TMIGD3: variants seen among roughly 807,000 people sequenced by gnomAD.
TMIGD3 encodes transmembrane and immunoglobulin domain containing 3, also known as AD026 protein (AD026).
In TMIGD3, 21 loss-of-function variants were observed where a neutral mutation model predicts 28.1. The ratio of observed to expected loss-of-function variants is 0.75; its 90% CI spans 0.53 to 1.08. TMIGD3 has a LOEUF of 1.08. Among genes scored for constraint, TMIGD3 ranks in the 50% least tolerant of loss-of-function variants. The probability of loss-of-function intolerance (pLI) is 0.00; values close to 1 mark genes in which losing one functional copy is unlikely to be tolerated. For missense variants in TMIGD3, 416 were observed against 435.6 expected (o/e 0.96, Z 0.40); for synonymous variants, 151 against 162.1 (o/e 0.93, Z 0.52).
At chr1:111,549,788 A>G (rs1480827022) in intron 1 of TMIGD3, among the ~76,000 whole-genome samples, 1 of 152,090 alleles carries the variant, frequency 6.6e-6, no homozygotes, top group African/African-American at 2.4e-5. Flanking sequence ...ATCTAGAGCT[A>G]CAGGTGCACA....
intron 4 of TMIGD3, 96 bp downstream of exon 4, chr1:111,486,490 G>T (rs536552207): frequency 4.5e-5 from 39 of 872,494 alleles, no homozygotes; most frequent in African/African-American, 2.6e-4. Flanking sequence ...AAAAGTTGTC[G>T]GTGCAAATCA....
chr1:111,543,034 T>G (rs1656901708), intron 1 of TMIGD3, among the ~76,000 whole-genome samples: 1 of 152,138 alleles, frequency 6.6e-6, no homozygotes, highest in Non-Finnish European at 1.5e-5. Context: ...GAAACTAAAA[T>G]CAAAAGTCTA....
Position 111,556,121 on chromosome 1 carries a change from C to T in TMIGD3, c.107+7725G>A, listed in dbSNP as rs112649658. On this transcript the variant is annotated intron_variant, in intron 1 of 5. Coordinates refer to the TMIGD3 transcript ENST00000369717. ...AAAAAGGGCAAAGGACTTCAGTAAACGTTTCTCCAAAGAGATATACAAATG... is the reference window on the plus strand; with the variant it reads ...AAAAAGGGCAAAGGACTTCAGTAAATGTTTCTCCAAAGAGATATACAAATG... Among the ~76,000 whole-genome samples the T allele has an allele frequency of 1.6e-3, 243 of 152,222 alleles. 1 individual carries two copies. Among genetic ancestry groups the T allele is most frequent in the African/African-American group, 5.5e-3 (229 of 41,558 alleles).
chr1:111,488,823 A>G lies in TMIGD3; in HGVS notation c.659T>C (p.Val220Ala). The G allele has an allele frequency of 6.2e-7, 1 of 1,614,220 alleles. No homozygotes were observed. Among genetic ancestry groups the G allele is most frequent in the South Asian group, 1.1e-5 (1 of 91,082 alleles). The part of the protein sequence containing the change: ...ALRDTGNQLI[V>A]TMSCLTKEDT... ...CTCTTTGGTCAGGCAGGACATAGTG[A>G]CAATGAGCTGGTTCCCTGTGTCCCT... Residue 220 changes from valine to alanine, a missense_variant, in exon 3 of 6, where the codon GTC (valine) becomes GCC (alanine). Transcript: ENST00000369716.
intron 1 of TMIGD3, among the ~76,000 whole-genome samples, chr1:111,518,599 C>T (rs1655944561): frequency 6.6e-6 from 1 of 152,156 alleles, no homozygotes; most frequent in Non-Finnish European, 1.5e-5. Flanking sequence ...AGAGGCTAAG[C>T]GATTTTCCCA....
chr1:111,532,004 C>T (rs1333176862), intron 1 of TMIGD3, among the ~76,000 whole-genome samples: 2 of 152,194 alleles, frequency 1.3e-5, no homozygotes, highest in Admixed American at 6.5e-5. Context: ...ATTTGTCCTA[C>T]CACTGAGACA....
chr1:111,520,160 G>A (rs1656009259), intron 1 of TMIGD3, among the ~76,000 whole-genome samples: 1 of 152,208 alleles, frequency 6.6e-6, no homozygotes, highest in Admixed American at 6.6e-5. Context: ...AAACTAAATA[G>A]GTTGTCATAA....
intron 1 of TMIGD3, among the ~76,000 whole-genome samples, chr1:111,540,000 G>A (rs1289904811): frequency 2.0e-5 from 3 of 152,142 alleles, no homozygotes; most frequent in African/African-American, 4.8e-5. Flanking sequence ...GAAACTTAGC[G>A]ATGCACCATT....
intron 1 of TMIGD3, among the ~76,000 whole-genome samples, chr1:111,548,157 A>G (rs1168941324): frequency 1.3e-5 from 2 of 152,216 alleles, no homozygotes; most frequent in African/African-American, 4.8e-5. Flanking sequence ...AGCAGCTGGA[A>G]CTACAGGCAT....
chr1:111,507,006 C>T (rs1655523397), upstream of TMIGD3, among the ~76,000 whole-genome samples: 1 of 119,904 alleles, frequency 8.3e-6, no homozygotes, highest in African/African-American at 3.2e-5. Flanking sequence ...TATACACACA[C>T]ATATGTGTGT....
intron 1 of TMIGD3, among the ~76,000 whole-genome samples, chr1:111,542,909 C>G (rs915545035): frequency 5.3e-5 from 8 of 152,118 alleles, no homozygotes; most frequent in African/African-American, 1.9e-4. Flanking sequence ...GTTGGGCAGG[C>G]TGGTCTCCAA....
intron 1 of TMIGD3, among the ~76,000 whole-genome samples, chr1:111,497,320 C>G (rs913217299): frequency 4.2e-4 from 64 of 152,072 alleles, no homozygotes; most frequent in African/African-American, 1.4e-3. Flanking sequence ...CTGTTTTAGC[C>G]AGGATGGTCT....
At chr1:111,506,537 G>A (rs1655494971), upstream of TMIGD3, among the ~76,000 whole-genome samples, 1 of 152,218 alleles carries the variant, frequency 6.6e-6, no homozygotes, top group Non-Finnish European at 1.5e-5. Context: ...TTCAAACCCA[G>A]GCTTCTGCTT....
At chr1:111,563,864 C>A in exon 1 of TMIGD3, 1 of 1,613,230 alleles carries the variant, frequency 6.2e-7, no homozygotes, top group Non-Finnish European at 8.5e-7. Flanking sequence ...AGGACTCAAG[C>A]AGCCCAGTGT....
intron 1 of TMIGD3, among the ~76,000 whole-genome samples, chr1:111,494,830 A>C (rs1654819842): frequency 6.6e-6 from 1 of 152,216 alleles, no homozygotes; most frequent in Admixed American, 6.5e-5. Context: ...TGGAGAACCC[A>C]CAAGTAAAGC....
intron 3 of TMIGD3, 100 bp downstream of exon 3, chr1:111,488,577 A>C: frequency 9.4e-7 from 1 of 1,059,596 alleles, no homozygotes; most frequent in East Asian, 2.5e-5. Context: ...ACCCAGTGGG[A>C]GTCTGAGTTG....
intron 3 of TMIGD3, among the ~76,000 whole-genome samples, 169 bp downstream of exon 3, chr1:111,488,508 A>G (rs1480540198): frequency 6.6e-6 from 1 of 152,184 alleles, no homozygotes; most frequent in African/African-American, 2.4e-5. Flanking sequence ...ATTCCCCAGC[A>G]CTGTTAATGA....
chr1:111,513,346 A>G (rs1655753920), intron 1 of TMIGD3, among the ~76,000 whole-genome samples: 2 of 152,250 alleles, frequency 1.3e-5, no homozygotes, highest in East Asian at 3.8e-4. Flanking sequence ...CCCAGCCAAA[A>G]CAACTGCACA....
intron 1 of TMIGD3, among the ~76,000 whole-genome samples, chr1:111,522,833 T>C (rs1656124905): frequency 6.6e-6 from 1 of 152,184 alleles, no homozygotes; most frequent in Non-Finnish European, 1.5e-5. Flanking sequence ...ATCTTAAATT[T>C]CAGTGTCTCA....
Sources: gnomAD v4.1 joint callset for allele counts (sites outside exome capture counted in the v4.1 genomes callset) on GRCh38, gnomAD v4.1.1 for gene constraint, MANE v1.5 for transcripts, NCBI Gene and HGNC (gene_info 2026-07-23, HGNC 2026-07-21) for gene names.